Variants in PER2 observed in about 807,000 individuals in gnomAD.
The protein encoded by PER2 is period circadian regulator 2, also known as period circadian protein homolog 2.
In PER2, 66 loss-of-function variants were observed where a neutral mutation model predicts 121.0. The ratio of observed to expected loss-of-function variants is 0.55; its 90% CI spans 0.45 to 0.67. The LOEUF is 0.67. PER2 is among the 30% of genes least tolerant of loss of function. PER2 has a pLI of 0.00. For synonymous variants in PER2, 684 were observed against 659.9 expected, an observed-to-expected ratio of 1.04 and a Z score of -0.56; for missense variants, 1,521 against 1,635.0, an observed-to-expected ratio of 0.93 and a Z score of 1.20.
chr2:238,258,161 T>C (rs1695818267), intron 16 of PER2, 115 bp downstream of exon 16: 12 of 1,196,090 alleles, frequency 1.0e-5, no homozygotes, highest in Non-Finnish European at 1.2e-5. Flanking sequence ...CTTTCATCAT[T>C]TGAAAAACAG....
chr2:238,247,973 T>C (rs1040644532), intron 22 of PER2, among the ~76,000 whole-genome samples: 1 of 152,212 alleles, frequency 6.6e-6, no homozygotes, highest in African/African-American at 2.4e-5. Flanking sequence ...ACCTGTGTGG[T>C]GATGGGCTTC....
At chr2:238,298,087 T>C in the PER2 span, among the ~76,000 whole-genome samples, 1 of 147,332 alleles carries the variant, frequency 6.8e-6, no homozygotes, top group African/African-American at 2.5e-5. Flanking sequence ...GGCTCTAGAG[T>C]GCAGTGGCAT....
At position 238,246,278 on chromosome 2, in the gene PER2, G is replaced by T; in HGVS notation, c.*97C>A. The T allele has an allele frequency of 1.2e-6, 1 of 864,456 alleles. No homozygotes were observed. The highest frequency in any genetic ancestry group is 1.7e-6 in the Non-Finnish European group (1 of 576,442). The allele number at this position is 864,456 out of a possible 1,614,324, so 53.5% of individuals were successfully genotyped here. A position where few individuals can be genotyped will look rare whatever the true frequency, so the allele number is the denominator to read the frequency against. ...AACAAAAAAAGCAACATGAGCATAT[G>T]TGTCCATTTCAGTGGAAACAGCCAT... is the stretch of plus-strand genomic sequence containing the variant. On this transcript the variant is annotated 3_prime_UTR_variant, in exon 23 of 23. Transcript: ENST00000254657.
Position 238,277,973 on chromosome 2 carries a change from G to A in PER2, c.-19-18C>T. Reference sequence around the variant, plus strand: ...GAACGAAGCTGGCAAACAGAGGGATGCTGTCACGCATTAACAAGCACACGC... The same window carrying A: ...GAACGAAGCTGGCAAACAGAGGGATACTGTCACGCATTAACAAGCACACGC... On this transcript the variant is annotated intron_variant, in intron 1 of 22. Coordinates refer to ENST00000254657, the MANE Select transcript of PER2 (RefSeq NM_022817.3). 1 of 1,606,540 alleles carries A rather than the reference G, an allele frequency of 6.2e-7. No individual in the cohort carries two copies. Among genetic ancestry groups the A allele is most frequent in the South Asian group, 1.1e-5 (1 of 90,208 alleles).
the PER2 span, chr2:238,299,432 C>T: frequency 1.3e-5 from 2 of 152,144 alleles, no homozygotes; most frequent in Non-Finnish European, 2.9e-5. Context: ...ATCCCAGCTA[C>T]TCGGGACGCT....
intron 9 of PER2, among the ~76,000 whole-genome samples, chr2:238,264,701 C>T (rs1161973556): frequency 2.6e-5 from 4 of 152,094 alleles, no homozygotes; most frequent in Admixed American, 6.5e-5. Context: ...CATAGCTCAC[C>T]GTAGCCTTGA....
chr2:238,249,599 T>C (rs1488444040), intron 21 of PER2, among the ~76,000 whole-genome samples: 1 of 152,112 alleles, frequency 6.6e-6, no homozygotes, highest in Non-Finnish European at 1.5e-5. Flanking sequence ...AGCCCCCATA[T>C]CCACTAGCTG....
intron 20 of PER2, 28 bp from the exon 21 acceptor site, chr2:238,250,771 A>G: frequency 6.6e-7 from 1 of 1,504,104 alleles, no homozygotes; most frequent in Non-Finnish European, 9.3e-7. Context: ...GTGGTGCGTC[A>G]AAACATTGAC....
In PER2 at chr2:238,258,326, C is replaced by T. The variant is rs1443821576; in HGVS notation, c.1850G>A (p.Arg617Lys). 6.2e-7 allele frequency: 1 copy of T among 1,614,220 alleles called. No individual in the cohort carries two copies. The highest frequency in any genetic ancestry group is 1.3e-5 in the African/African-American group (1 of 75,054). Residue 617 changes from arginine (R) to lysine (K), a missense_variant, in exon 16 of 23, where the codon AGG becomes AAG. Physicochemically the swap from Arg to Lys is conservative, Grantham distance 26. Transcript: ENST00000254657. The stretch of plus-strand genomic sequence containing the variant: ...TGTGGCCTTCCGCTTATCACTGGAC[C>T]TTAGCGCTGGGACGTTTGCTGGGAA... ...CEFPANVPAL[R>K]SSDKRKATVS...
chr2:238,296,100 T>C, the PER2 span, among the ~76,000 whole-genome samples: 10 of 7,646 alleles, frequency 1.3e-3, no homozygotes, highest in African/African-American at 6.8e-3. Context: ...GCAGAGTCAG[T>C]CGTGTGCCCT....
intron 4 of PER2, among the ~76,000 whole-genome samples, chr2:238,274,352 G>C (rs1696387538): frequency 6.6e-6 from 1 of 152,236 alleles, no homozygotes; most frequent in Non-Finnish European, 1.5e-5. Flanking sequence ...TGCGTTACGA[G>C]TCTGACCCAG....
In PER2 at chr2:238,253,468, G is replaced by T; in HGVS notation, c.2555C>A (p.Ala852Glu). Residue 852 changes from alanine (A) to glutamate (E), a missense_variant, in exon 19 of 23, where the codon GCA becomes GAA. Ala to Glu is a moderately radical substitution (Grantham distance 107). Transcript: ENST00000254657. This position sits in a 1 kb window ranked among gnomAD's most constrained non-coding sequence, Gnocchi z 5.6. ...PAVPFPAPVP[A>E]AYSLPVFPAP... ...TGGAAACACGGGCAGTGAATAAGCT[G>T]CTGGCACTGGGGCGGGAAAGGGCAC... 6.2e-7 allele frequency: 1 copy of T among 1,613,168 alleles called. No homozygotes were observed. The highest frequency in any genetic ancestry group is 8.5e-7 in the Non-Finnish European group (1 of 1,179,650).
In PER2 at chr2:238,255,643, C is replaced by T. The variant is rs760773954; in HGVS notation, c.2320+14G>A. 16 of 1,613,998 alleles carry T rather than the reference C, an allele frequency of 9.9e-6. No individual in the cohort carries two copies. Among genetic ancestry groups the T allele is most frequent in the South Asian group, 2.2e-5 (2 of 91,074 alleles). ...AGTTTTTTAAAACGCACTTTTAATTCGGGTATCACTTACTTCGTTCACTTG... is the reference window on the plus strand; with the variant it reads ...AGTTTTTTAAAACGCACTTTTAATTTGGGTATCACTTACTTCGTTCACTTG... On this transcript the variant is annotated intron_variant, in intron 18 of 22. Transcript: ENST00000254657.
At chr2:238,294,639 C>A (rs950647359), upstream of PER2, among the ~76,000 whole-genome samples, 1 of 152,206 alleles carries the variant, frequency 6.6e-6, no homozygotes, top group Non-Finnish European at 1.5e-5. Context: ...AAGACATTCT[C>A]AACACCACGA....
At chr2:238,298,793 GATA>G in the PER2 span, 4 of 152,258 alleles carry the variant, frequency 2.6e-5, no homozygotes, top group African/African-American at 9.7e-5. Context: ...GGGAGACAAT[GATA>G]ATGATCATGA....
At position 238,251,710 on chromosome 2, in the gene PER2, C is replaced by A; in HGVS notation, c.3163G>T (p.Gly1055Cys). 1 of 1,613,910 alleles carries A rather than the reference C, an allele frequency of 6.2e-7. No homozygotes were observed. The highest frequency in any genetic ancestry group is 1.1e-5 in the South Asian group (1 of 91,074). The change falls in exon 20 of 23, where the codon GGC becomes TGC. Residue 1055 changes from glycine to cysteine, a missense_variant. By Grantham distance (159) the Gly-to-Cys change is radical. Coordinates refer to ENST00000254657, the MANE Select transcript of PER2 (RefSeq NM_022817.3). Reference protein sequence around the residue: ...QNSDALSTSSGLLNLLLNEDL... With the variant: ...QNSDALSTSSCLLNLLLNEDL... Reference sequence around the variant, plus strand: ...TCATTCAGCAGGAGGTTTAGGAGGCCGCTTGACGTGGAAAGGGCGTCACTG... The same window carrying A: ...TCATTCAGCAGGAGGTTTAGGAGGCAGCTTGACGTGGAAAGGGCGTCACTG...
chr2:238,293,524 C>G (rs1161895260), upstream of PER2, among the ~76,000 whole-genome samples: 1 of 152,036 alleles, frequency 6.6e-6, no homozygotes, highest in East Asian at 1.9e-4. Context: ...CACCTGAGGT[C>G]AGGAGTTCGA....
upstream of PER2, among the ~76,000 whole-genome samples, chr2:238,294,734 A>C (rs553907384): frequency 6.6e-6 from 1 of 152,278 alleles, no homozygotes; most frequent in South Asian, 2.1e-4. Flanking sequence ...GGCTACCCTC[A>C]CCACCCTGCC....
intron 12 of PER2, 62 bp from the exon 13 acceptor site, chr2:238,261,015 C>T: frequency 1.3e-6 from 2 of 1,581,020 alleles, no homozygotes; most frequent in Non-Finnish European, 8.6e-7. Context: ...GCATGTGGCC[C>T]CCTGCCAACA....
Sources: gnomAD v4.1 joint callset for allele counts (sites outside exome capture counted in the v4.1 genomes callset) on GRCh38, gnomAD v4.1.1 for gene constraint, Gnocchi (gnomAD v3.1) non-coding constraint, MANE v1.5 for transcripts, NCBI Gene and HGNC (gene_info 2026-07-23, HGNC 2026-07-21) for gene names.